The following AMBRA1 variants were observed in gnomAD, a reference collection of about 807,000 sequenced individuals.
AMBRA1 encodes the protein autophagy and beclin 1 regulator 1, also known as activating molecule in BECN1-regulated autophagy protein 1.
A neutral mutation model predicts 125.4 loss-of-function variants in AMBRA1; 47 were observed. That is an observed-to-expected ratio of 0.37 (90% confidence interval 0.30 to 0.48). The LOEUF is 0.48. Among genes scored for constraint, AMBRA1 ranks in the 20% least tolerant of loss-of-function variants. The probability of loss-of-function intolerance (pLI) is 0.99; values close to 1 mark genes in which losing one functional copy is unlikely to be tolerated. For missense variants in AMBRA1, 1,331 were observed against 1,693.4 expected (o/e 0.79, Z 3.76); for synonymous variants, 626 against 655.5 (o/e 0.95, Z 0.69).
At chr11:46,490,084 G>A (rs1192073774) in intron 11 of AMBRA1, among the ~76,000 whole-genome samples, 11 of 152,288 alleles carry the variant, frequency 7.2e-5, no homozygotes, top group Admixed American at 5.9e-4. Flanking sequence ...CCTGGTCCAC[G>A]GTAGGCACTC....
intron 1 of AMBRA1, among the ~76,000 whole-genome samples, chr11:46,580,165 G>C (rs960198147): frequency 6.6e-6 from 1 of 152,122 alleles, no homozygotes; most frequent in African/African-American, 2.4e-5. Flanking sequence ...ATCCAACAAT[G>C]TACAGTGATT....
chr11:46,542,584 G>C lies in AMBRA1; in HGVS notation c.1433C>G (p.Ala478Gly). 6.2e-7 allele frequency: 1 copy of C among 1,613,680 alleles called. No homozygotes were observed. The highest frequency in any genetic ancestry group is 8.5e-7 in the Non-Finnish European group (1 of 1,180,022). ...GCCATTCCCTCCATCTGACTCAGTT[G>C]CCAACCCTGATGCCGGAAAACCCCT... ...EGRGFPASGL[A>G]TESDGGNGSS... The change falls in exon 7 of 18, where the codon GCA (alanine) becomes GGA (glycine). Residue 478 changes from alanine (A) to glycine (G), a missense_variant. By Grantham distance (60) the Ala-to-Gly change is moderately conservative (BLOSUM62 0). This residue lies in a region of AMBRA1 where 689 missense variants were observed against 776.5 expected (regional missense o/e 0.89). Coordinates refer to ENST00000683756, the MANE Select transcript of AMBRA1 (RefSeq NM_001387011.1). This position sits in a 1 kb window ranked among gnomAD's most constrained non-coding sequence, Gnocchi z 5.9.
chr11:46,573,540 C>T (rs1336998751), intron 1 of AMBRA1, among the ~76,000 whole-genome samples: 1 of 152,166 alleles, frequency 6.6e-6, no homozygotes, highest in African/African-American at 2.4e-5. Flanking sequence ...AATTTCCAGA[C>T]TGGCAGTTAT....
chr11:46,522,939 G>C (rs73467964), intron 7 of AMBRA1, among the ~76,000 whole-genome samples: 1,839 of 152,276 alleles, frequency 0.012, 45 homozygotes, highest in African/African-American at 0.042. Context: ...ATCTTAGGAC[G>C]AATATCAGAA....
intron 11 of AMBRA1, among the ~76,000 whole-genome samples, chr11:46,445,434 T>C (rs750589623): frequency 1.4e-4 from 21 of 152,278 alleles, no homozygotes; most frequent in Middle Eastern, 6.8e-3. Context: ...TATCATAAGA[T>C]GAGGTAAATA....
intron 1 of AMBRA1, among the ~76,000 whole-genome samples, chr11:46,571,787 T>G (rs1019930295): frequency 2.0e-5 from 3 of 148,484 alleles, no homozygotes; most frequent in Non-Finnish European, 4.4e-5. Flanking sequence ...CCTCCCAGGT[T>G]CAAGAGATTC....
intron 17 of AMBRA1, among the ~76,000 whole-genome samples, chr11:46,400,472 A>ATTTT (rs1945688967): frequency 3.4e-5 from 1 of 29,464 alleles, no homozygotes; most frequent in African/African-American, 1.2e-4. Context: ...TTCTTTCTAT[A>ATTTT]GTTTTTTTTT....
intron 9 of AMBRA1, chr11:46,495,268 C>T (rs913158564): frequency 1.3e-5 from 2 of 152,232 alleles, no homozygotes; most frequent in African/African-American, 4.8e-5. Context: ...TTTCTGAATT[C>T]TCCCTTTGGA....
intron 11 of AMBRA1, among the ~76,000 whole-genome samples, chr11:46,488,088 T>C (rs1265752336): frequency 6.6e-6 from 1 of 152,206 alleles, no homozygotes; most frequent in African/African-American, 2.4e-5. Context: ...AAATAGTTAA[T>C]TCATCAGGAA....
At chr11:46,471,603 G>A (rs1183442495) in intron 11 of AMBRA1, among the ~76,000 whole-genome samples, 1 of 151,420 alleles carries the variant, frequency 6.6e-6, no homozygotes, top group Non-Finnish European at 1.5e-5. Flanking sequence ...TCCCCCAAAA[G>A]GGTTAAGAAA....
chr11:46,402,305 G>A (rs910669373), intron 17 of AMBRA1, among the ~76,000 whole-genome samples: 2 of 152,210 alleles, frequency 1.3e-5, no homozygotes, highest in Non-Finnish European at 2.9e-5. Context: ...AGGGGCTCCA[G>A]ACTTAAGGAT....
chr11:46,519,563 T>C (rs1951669519), intron 7 of AMBRA1, among the ~76,000 whole-genome samples: 1 of 152,172 alleles, frequency 6.6e-6, no homozygotes, highest in Non-Finnish European at 1.5e-5. Flanking sequence ...GCCTCTACTG[T>C]TAGGGAATGC....
chr11:46,583,575 T>C (rs1228664577), intron 1 of AMBRA1, among the ~76,000 whole-genome samples: 1 of 114,536 alleles, frequency 8.7e-6, no homozygotes, highest in Non-Finnish European at 1.7e-5. Context: ...ACCTACAAAA[T>C]GGGAGAAAAT....
intron 9 of AMBRA1, among the ~76,000 whole-genome samples, chr11:46,497,730 G>C (rs961370792): frequency 6.6e-6 from 1 of 152,132 alleles, no homozygotes; most frequent in African/African-American, 2.4e-5. Context: ...GGACGAGTTC[G>C]ACAGGAAGAG....
At chr11:46,544,694 A>G (rs1952915206) in intron 5 of AMBRA1, among the ~76,000 whole-genome samples, 1 of 152,154 alleles carries the variant, frequency 6.6e-6, no homozygotes, top group Non-Finnish European at 1.5e-5. Context: ...GTACTATCCA[A>G]AACAGTTAGC....
chr11:46,554,320 G>A (rs2135214979), intron 1 of AMBRA1, among the ~76,000 whole-genome samples: 3 of 152,164 alleles, frequency 2.0e-5, no homozygotes, highest in Middle Eastern at 6.8e-3. Context: ...TTACTCAAGA[G>A]GAACAATAAA....
chr11:46,438,974 C>CTCA (rs1164367659), intron 12 of AMBRA1, among the ~76,000 whole-genome samples: 2 of 152,120 alleles, frequency 1.3e-5, no homozygotes, highest in African/African-American at 2.4e-5. Flanking sequence ...GGTTGCTGAA[C>CTCA]TCATCAGTAA....
intron 11 of AMBRA1, among the ~76,000 whole-genome samples, chr11:46,449,223 G>A (rs1459030099): frequency 6.6e-6 from 1 of 152,062 alleles, no homozygotes; most frequent in Non-Finnish European, 1.5e-5. Flanking sequence ...GCAAAACAAA[G>A]TAAATAAAAG....
intron 1 of AMBRA1, among the ~76,000 whole-genome samples, chr11:46,586,552 ATTAAAGTTTTCCCAAAGCATCTAAAC>A (rs2044407882): frequency 6.6e-6 from 1 of 152,104 alleles, no homozygotes; most frequent in Admixed American, 6.5e-5. Flanking sequence ...CCTATTCCCT[ATTAAAGTTTTCCCAAAGCATCTAAAC>A]TTCAATCTAA....
Sources: gnomAD v4.1 joint callset for allele counts (sites outside exome capture counted in the v4.1 genomes callset) on GRCh38, gnomAD v4.1.1 for gene constraint, gnomAD v4.1.1 regional missense constraint, Gnocchi (gnomAD v3.1) non-coding constraint, MANE v1.5 for transcripts, NCBI Gene and HGNC (gene_info 2026-07-23, HGNC 2026-07-21) for gene names.